RAB7A: variants seen among roughly 807,000 people sequenced by gnomAD.
RAB7A encodes the protein ras-related protein Rab-7a.
RAB7A carries 2 observed loss-of-function variants against 24.5 expected under a neutral mutation model. That is an observed-to-expected ratio of 0.08 (90% confidence interval 0.03 to 0.26). The LOEUF is 0.26. RAB7A is among the 10% of genes least tolerant of loss of function. The pLI, the probability that RAB7A is intolerant of heterozygous loss-of-function variation, is 1.00. For missense variants in RAB7A, 118 were observed against 255.7 expected (o/e 0.46, Z 3.67); for synonymous variants, 100 against 95.9 (o/e 1.04, Z -0.25).
chr3:128,790,671 A>G (rs1933436806), intron 1 of RAB7A, among the ~76,000 whole-genome samples: 1 of 152,070 alleles, frequency 6.6e-6, no homozygotes, highest in Non-Finnish European at 1.5e-5. Context: ...ATAATGCCAT[A>G]TTTGTCAAAA....
At chr3:128,789,945 C>T (rs930057943) in intron 1 of RAB7A, among the ~76,000 whole-genome samples, 5 of 152,088 alleles carry the variant, frequency 3.3e-5, no homozygotes, top group Non-Finnish European at 7.4e-5. Flanking sequence ...CGCGTGCCAC[C>T]ACGCGCAGCT....
At chr3:128,727,712 T>C (rs1255065622) in intron 1 of RAB7A, among the ~76,000 whole-genome samples, 1 of 152,226 alleles carries the variant, frequency 6.6e-6, no homozygotes, top group African/African-American at 2.4e-5. Context: ...AAATACTGCA[T>C]CTTTGGTTTC....
intron 3 of RAB7A, among the ~76,000 whole-genome samples, chr3:128,804,831 TA>T (rs1406321720): frequency 6.6e-6 from 1 of 152,316 alleles, no homozygotes; most frequent in Non-Finnish European, 1.5e-5. Context: ...TTTATAATGA[TA>T]GGAAATTGTC....
rs760888311 is a variant in RAB7A, at chr3:128,807,659, T to A, written c.516T>A (p.Asn172Lys). 6.2e-7 allele frequency: 1 copy of A among 1,614,072 alleles called. No individual in the cohort carries two copies. The highest frequency in any genetic ancestry group is 8.5e-7 in the Non-Finnish European group (1 of 1,180,046). The change falls in exon 5 of 6, where the codon AAT (asparagine) becomes AAA (lysine). Residue 172 changes from asparagine to lysine, a missense_variant. Coordinates refer to ENST00000265062, the MANE Select transcript of RAB7A (RefSeq NM_004637.6). ...VEQAFQTIAR[N>K]ALKQETEVEL... Reference sequence around the variant, plus strand: ...AGGCGTTCCAGACGATTGCACGGAATGCACTTAAGCAGGTGGGTCTCCCAC... The same window carrying A: ...AGGCGTTCCAGACGATTGCACGGAAAGCACTTAAGCAGGTGGGTCTCCCAC...
chr3:128,755,858 G>C (rs2070725186), intron 1 of RAB7A, among the ~76,000 whole-genome samples: 1 of 152,032 alleles, frequency 6.6e-6, no homozygotes, highest in African/African-American at 2.4e-5. Flanking sequence ...ATGCTGGTGT[G>C]CTGCACCCAT....
intron 5 of RAB7A, 110 bp downstream of exon 5, chr3:128,807,781 T>G (rs1325069348): frequency 6.8e-7 from 1 of 1,461,620 alleles, no homozygotes; most frequent in Non-Finnish European, 9.5e-7. Context: ...CTTTTCTGTA[T>G]AGCCAGAATA....
Position 128,809,936 on chromosome 3 carries a change from C to CTTTTTTTTTTTTTTTTTTTTTTTTTT in RAB7A, c.528+2270_528+2295dup, listed in dbSNP as rs869119619. Among the ~76,000 whole-genome samples, 84 of 52,256 alleles carry CTTTTTTTTTTTTTTTTTTTTTTTTTT rather than the reference C, an allele frequency of 1.6e-3. 26 individuals are homozygous for CTTTTTTTTTTTTTTTTTTTTTTTTTT. The highest frequency in any genetic ancestry group is 2.2e-3 in the Non-Finnish European group (65 of 29,580). 34.3% of individuals were successfully genotyped at this position (52,256 alleles called of 152,430 possible). A position where few individuals can be genotyped will look rare whatever the true frequency, so the allele number is the denominator to read the frequency against. ...GAGGCAAGTTTCCTCTTGCCACAGT[C>CTTTTTTTTTTTTTTTTTTTTTTTTTT]TTTTTTTTTTTTTTTTTTTTTTTTT... On this transcript the variant is annotated intron_variant, in intron 5 of 5. Coordinates refer to ENST00000265062, the MANE Select transcript of RAB7A (RefSeq NM_004637.6).
At chr3:128,777,814 C>T (rs567756835) in intron 1 of RAB7A, among the ~76,000 whole-genome samples, 2 of 152,116 alleles carry the variant, frequency 1.3e-5, no homozygotes, top group Admixed American at 6.5e-5. Flanking sequence ...CTCTGCCTCC[C>T]GGGTTCAAGC....
intron 1 of RAB7A, among the ~76,000 whole-genome samples, chr3:128,785,705 C>T (rs1056078243): frequency 2.0e-5 from 3 of 147,500 alleles, no homozygotes; most frequent in African/African-American, 7.6e-5. Context: ...ACAGAGATCG[C>T]GCCACTGTAC....
At chr3:128,773,430 G>T (rs555721774) in intron 1 of RAB7A, among the ~76,000 whole-genome samples, 1 of 149,702 alleles carries the variant, frequency 6.7e-6, no homozygotes, top group Non-Finnish European at 1.5e-5. Flanking sequence ...GAGGTGGGGG[G>T]CAGCCCCCGC....
intron 2 of RAB7A, 73 bp downstream of exon 2, chr3:128,795,493 C>CCGT (rs1211987078): frequency 6.5e-6 from 9 of 1,378,538 alleles, no homozygotes; most frequent in Non-Finnish European, 8.3e-6. Context: ...CCCACACTGT[C>CCGT]CGTGCTGCCA....
At chr3:128,763,796 CA>C in intron 1 of RAB7A, among the ~76,000 whole-genome samples, 1 of 150,982 alleles carries the variant, frequency 6.6e-6, no homozygotes. Flanking sequence ...TTAAAGATTG[CA>C]AAATTATTTT....
chr3:128,771,181 G>T (rs2070881566), intron 1 of RAB7A, among the ~76,000 whole-genome samples: 1 of 152,108 alleles, frequency 6.6e-6, no homozygotes, highest in Non-Finnish European at 1.5e-5. Flanking sequence ...ATGTTAGCCA[G>T]GGAGGTCTCA....
intron 1 of RAB7A, chr3:128,764,319 T>C (rs1274760314): frequency 3.5e-6 from 2 of 571,982 alleles, no homozygotes; most frequent in East Asian, 5.9e-5. Flanking sequence ...ACCAAATTTC[T>C]TTATTTGAAG....
chr3:128,802,967 G>C (rs1335225472), intron 3 of RAB7A, among the ~76,000 whole-genome samples: 17 of 152,082 alleles, frequency 1.1e-4, no homozygotes, highest in Non-Finnish European at 1.5e-5. Flanking sequence ...ACCACGCTTG[G>C]CTAATTTTTT....
At chr3:128,769,800 A>G (rs1447860952) in intron 1 of RAB7A, among the ~76,000 whole-genome samples, 2 of 152,226 alleles carry the variant, frequency 1.3e-5, no homozygotes, top group African/African-American at 4.8e-5. Flanking sequence ...GGGCAGTAGC[A>G]GAAGAATGGG....
At chr3:128,757,575 A>G (rs894415353) in intron 1 of RAB7A, among the ~76,000 whole-genome samples, 1 of 151,490 alleles carries the variant, frequency 6.6e-6, no homozygotes, top group African/African-American at 2.4e-5. Flanking sequence ...GCTGGAGTAT[A>G]GTGGCATGAT....
At chr3:128,795,750 G>T (rs1276292002) in intron 2 of RAB7A, among the ~76,000 whole-genome samples, 4 of 6,884 alleles carry the variant, frequency 5.8e-4, no homozygotes, top group East Asian at 0.013. Context: ...TAGCAGATGT[G>T]CTTTTTTTTT....
intron 1 of RAB7A, among the ~76,000 whole-genome samples, chr3:128,731,230 A>G (rs2070433693): frequency 6.6e-6 from 1 of 152,202 alleles, no homozygotes; most frequent in East Asian, 1.9e-4. Context: ...GAGTTATTTG[A>G]GAGTGCATAA....
Sources: allele counts gnomAD v4.1 joint callset (sites outside exome capture counted in the v4.1 genomes callset), GRCh38; gene constraint gnomAD v4.1.1; transcripts MANE v1.5; gene names NCBI Gene and HGNC (gene_info 2026-07-23, HGNC 2026-07-21).